Variants in DOCK3 observed in about 807,000 individuals in gnomAD.
The protein encoded by DOCK3 is dedicator of cytokinesis protein 3.
In DOCK3, 60 loss-of-function variants were observed where a neutral mutation model predicts 265.6. The observed-to-expected ratio is 0.23, with a 90% CI of 0.18 to 0.28. The LOEUF (loss-of-function observed/expected upper bound fraction) is 0.28. DOCK3 is among the 10% of genes least tolerant of loss of function. The probability of loss-of-function intolerance (pLI) is 1.00; values close to 1 mark genes in which losing one functional copy is unlikely to be tolerated. For synonymous variants in DOCK3, 881 were observed against 938.0 expected, an observed-to-expected ratio of 0.94 and a Z score of 1.11; for missense variants, 1,981 against 2,594.3, an observed-to-expected ratio of 0.76 and a Z score of 5.14.
intron 10 of DOCK3, among the ~76,000 whole-genome samples, chr3:51,149,934 C>A (rs2085496818): frequency 6.6e-6 from 1 of 152,090 alleles, no homozygotes; most frequent in Non-Finnish European, 1.5e-5. Flanking sequence ...CCTCTTTGTA[C>A]CTCTGGTAGA....
In DOCK3 at chr3:50,722,814, C is replaced by T. The variant is rs2037558569; in HGVS notation, c.37+47514C>T. On this transcript the variant is annotated intron_variant, in intron 1 of 52. Transcript: ENST00000266037. ...TGAGACAGGGTCTGGCTGTGTTGCC[C>T]AGGCTGGAGTGCAGTGGCATGATCT... 2.0e-5 allele frequency among the ~76,000 whole-genome samples: 3 copies of T among 147,234 alleles called. No homozygotes were observed. In the South Asian group the frequency reaches 6.5e-4, roughly 32 times the overall value.
chr3:51,270,021 C>T (rs2080415344), intron 23 of DOCK3, among the ~76,000 whole-genome samples: 1 of 152,134 alleles, frequency 6.6e-6, no homozygotes, highest in Non-Finnish European at 1.5e-5. Flanking sequence ...GCTCTGCCTC[C>T]CAAAGGCTGT....
intron 1 of DOCK3, among the ~76,000 whole-genome samples, chr3:50,769,594 T>G (rs1045238734): frequency 1.5e-4 from 23 of 152,040 alleles, no homozygotes; most frequent in Non-Finnish European, 1.9e-4. Context: ...GCAGATCACT[T>G]GAGGTCAGGA....
In DOCK3 at chr3:50,972,725, C is replaced by A. The variant is rs2077277976; in HGVS notation, c.315+38648C>A. Among the ~76,000 whole-genome samples, 3 of 152,120 alleles carry A rather than the reference C, an allele frequency of 2.0e-5. No individual in the cohort carries two copies. In the South Asian group the frequency reaches 6.2e-4, roughly 31 times the overall value. On this transcript the variant is annotated intron_variant, in intron 5 of 52. Transcript: ENST00000266037. ...GTGGAAACACAAGCACTGAGGTTTC[C>A]TGGTGGATTTATTTCTAGTTTCTCT... is the stretch of plus-strand genomic sequence containing the variant.
At chr3:51,320,946 C>T (rs537710464) in intron 32 of DOCK3, among the ~76,000 whole-genome samples, 2 of 152,286 alleles carry the variant, frequency 1.3e-5, no homozygotes, top group South Asian at 2.1e-4. Context: ...AAGAGAGCAG[C>T]GAATCTCCCA....
At chr3:51,331,764 C>T (rs1392838757) in intron 33 of DOCK3, among the ~76,000 whole-genome samples, 4 of 152,048 alleles carry the variant, frequency 2.6e-5, no homozygotes, top group African/African-American at 4.8e-5. Flanking sequence ...TCGAGACTAT[C>T]CTGAGCAACA....
At chr3:51,117,862 A>G (rs550273044) in intron 9 of DOCK3, among the ~76,000 whole-genome samples, 2 of 151,982 alleles carry the variant, frequency 1.3e-5, no homozygotes, top group East Asian at 1.9e-4. Context: ...TTTATTCTTT[A>G]TGAGTCTGGC....
intron 2 of DOCK3, among the ~76,000 whole-genome samples, chr3:50,815,546 G>T (rs2044025766): frequency 6.6e-6 from 1 of 151,588 alleles, no homozygotes; most frequent in South Asian, 2.1e-4. Context: ...ACTTTTTCTT[G>T]GTCAGTTTTC....
chr3:51,232,921 A>C (rs1041064699), intron 19 of DOCK3, among the ~76,000 whole-genome samples: 2 of 152,142 alleles, frequency 1.3e-5, no homozygotes, highest in African/African-American at 4.8e-5. Context: ...TTTGTCAAAG[A>C]CCAGATGGCT....
At chr3:51,303,290 C>T (rs1486499426) in intron 27 of DOCK3, among the ~76,000 whole-genome samples, 4 of 152,166 alleles carry the variant, frequency 2.6e-5, no homozygotes, top group South Asian at 2.1e-4. Flanking sequence ...TAAACTGGCT[C>T]TTCTGGTTAA....
chr3:50,785,092 GGTTGCAGT>G (rs1293239286), intron 2 of DOCK3, among the ~76,000 whole-genome samples: 2 of 152,198 alleles, frequency 1.3e-5, no homozygotes, highest in Non-Finnish European at 2.9e-5. Flanking sequence ...GGGAGGCAGA[GGTTGCAGT>G]GAGCTGAGAT....
intron 32 of DOCK3, among the ~76,000 whole-genome samples, chr3:51,319,396 TA>T (rs10709692): frequency 0.76 from 108,234 of 142,038 alleles, 40,869 homozygotes; most frequent in South Asian, 0.83. Flanking sequence ...CAACACTTGA[TA>T]AAAAAAAAAA....
chr3:51,312,248 CA>C (rs1280198569), intron 29 of DOCK3, among the ~76,000 whole-genome samples, 169 bp downstream of exon 29: 10 of 152,028 alleles, frequency 6.6e-5, no homozygotes, highest in African/African-American at 2.4e-4. Flanking sequence ...TGTTGGTAGC[CA>C]AACTCCATGA....
intron 22 of DOCK3, among the ~76,000 whole-genome samples, chr3:51,256,774 T>C (rs2108727230): frequency 6.6e-6 from 1 of 152,000 alleles, no homozygotes; most frequent in South Asian, 2.1e-4. Flanking sequence ...TTTGTGTTTT[T>C]AGTAGAGACG....
chr3:50,923,183 C>G (rs36018544), intron 4 of DOCK3, among the ~76,000 whole-genome samples: 14,360 of 152,184 alleles, frequency 0.094, 838 homozygotes, highest in Non-Finnish European at 0.12. Context: ...GGGCATGTAG[C>G]TTGGTTCCAC....
chr3:51,237,478 C>A lies in DOCK3; in HGVS notation c.2002-12C>A. The A allele has an allele frequency of 6.2e-7, 1 of 1,611,364 alleles. No homozygotes were observed. The highest frequency in any genetic ancestry group is 1.1e-5 in the South Asian group (1 of 90,496). ...CAGTGAACCCTGATGGCTTACTCTCCATATCTCCCAGGTGTTCATCATCAA... is the reference window on the plus strand; with the variant it reads ...CAGTGAACCCTGATGGCTTACTCTCAATATCTCCCAGGTGTTCATCATCAA... On this transcript the variant is annotated splice_polypyrimidine_tract_variant and intron_variant, in intron 20 of 52. Coordinates refer to ENST00000266037, the MANE Select transcript of DOCK3 (RefSeq NM_004947.5).
At chr3:51,142,226 T>C (rs935958329) in intron 9 of DOCK3, among the ~76,000 whole-genome samples, 4 of 152,158 alleles carry the variant, frequency 2.6e-5, no homozygotes, top group Non-Finnish European at 4.4e-5. Flanking sequence ...TCCCATCTTT[T>C]TTTGAGTCAG....
chr3:51,019,400 G>T (rs1292427760), intron 5 of DOCK3, among the ~76,000 whole-genome samples: 1 of 151,888 alleles, frequency 6.6e-6, no homozygotes, highest in Admixed American at 6.6e-5. Context: ...CCTAGTGACT[G>T]TATATGTGTG....
chr3:50,796,834 T>G (rs2042815206), intron 2 of DOCK3, among the ~76,000 whole-genome samples: 2 of 152,190 alleles, frequency 1.3e-5, no homozygotes, highest in Admixed American at 6.5e-5. Context: ...TTCAGCCGAC[T>G]GGCTTAGTTT....
Sources: gnomAD v4.1 joint callset for allele counts (sites outside exome capture counted in the v4.1 genomes callset) on GRCh38, gnomAD v4.1.1 for gene constraint, MANE v1.5 for transcripts, NCBI Gene and HGNC (gene_info 2026-07-23, HGNC 2026-07-21) for gene names.